Variants in VPS13A observed in about 807,000 individuals in gnomAD.
VPS13A encodes the protein intermembrane lipid transfer protein VPS13A.
VPS13A carries 264 observed loss-of-function variants against 390.9 expected under a neutral mutation model. That is an observed-to-expected ratio of 0.68 (90% confidence interval 0.61 to 0.75). The LOEUF is 0.75. VPS13A is among the 30% of genes least tolerant of loss of function. The probability of loss-of-function intolerance (pLI) is 0.00; values close to 1 mark genes in which losing one functional copy is unlikely to be tolerated. For missense variants in VPS13A, 3,409 were observed against 3,733.9 expected, an observed-to-expected ratio of 0.91 and a Z score of 2.27; for synonymous variants, 1,231 against 1,227.1, an observed-to-expected ratio of 1.00 and a Z score of -0.07.
rs1336467149 is a variant in VPS13A, at chr9:77,323,091, A to G, written c.5855A>G (p.Asp1952Gly). Residue 1952 changes from aspartate to glycine, a missense_variant, in exon 45 of 72, where the codon GAT becomes GGT. Physicochemically the swap from Asp to Gly is moderately conservative, Grantham distance 94. Coordinates refer to ENST00000360280, the MANE Select transcript of VPS13A (RefSeq NM_033305.3). Reference sequence around the variant, plus strand: ...GCACCTGTTAACCATTCTACTGCTGATAAGATTCCTTTAACAAAAGTGGGA... The same window carrying G: ...GCACCTGTTAACCATTCTACTGCTGGTAAGATTCCTTTAACAAAAGTGGGA... ...LLTPVNHSTADKIPLTKVGRR... is the reference protein window; with the variant it reads ...LLTPVNHSTAGKIPLTKVGRR... 6.2e-7 allele frequency: 1 copy of G among 1,612,896 alleles called. No homozygotes were observed. Among genetic ancestry groups the G allele is most frequent in the Admixed American group, 1.7e-5 (1 of 59,926 alleles).
At chr9:77,261,767 C>G (rs1316627610) in intron 23 of VPS13A, among the ~76,000 whole-genome samples, 3 of 151,702 alleles carry the variant, frequency 2.0e-5, no homozygotes, top group African/African-American at 7.3e-5. Flanking sequence ...GTATTTTTAG[C>G]CGAGATGGAG....
chr9:77,227,106 A>G (rs1390241973), intron 15 of VPS13A, among the ~76,000 whole-genome samples: 1 of 152,280 alleles, frequency 6.6e-6, no homozygotes, highest in African/African-American at 2.4e-5. Flanking sequence ...TTTATACTAA[A>G]TGTGTTGATT....
intron 17 of VPS13A, among the ~76,000 whole-genome samples, chr9:77,237,391 G>A (rs1003413545): frequency 1.3e-5 from 2 of 151,868 alleles, no homozygotes; most frequent in African/African-American, 4.8e-5. Context: ...TTGAGACAGA[G>A]TCTCACTCTG....
intron 71 of VPS13A, among the ~76,000 whole-genome samples, chr9:77,413,173 A>T (rs1835018649): frequency 6.6e-6 from 1 of 152,216 alleles, no homozygotes; most frequent in African/African-American, 2.4e-5. Context: ...ATACTGCCCA[A>T]GGTAATTTAT....
At chr9:77,206,169 T>G (rs946258563) in intron 5 of VPS13A, 90 bp downstream of exon 5, 2 of 939,432 alleles carry the variant, frequency 2.1e-6, no homozygotes, top group Non-Finnish European at 1.6e-6. Context: ...TCTCTGGAGA[T>G]GCTGAGATTA....
intron 51 of VPS13A, 22 bp from the exon 52 acceptor site, chr9:77,344,987 G>T: frequency 6.2e-7 from 1 of 1,607,478 alleles, no homozygotes. Context: ...ACATTAAAAT[G>T]TTTTCTTTTT....
In VPS13A at chr9:77,368,063, T is replaced by A. The variant is rs993210502; in HGVS notation, c.8480T>A (p.Phe2827Tyr). ...TTTTACGCTTTTTTCAGGCTTGCATTTTTTGAACTCAACTATCAGTTCCAT... is the reference window on the plus strand; with the variant it reads ...TTTTACGCTTTTTTCAGGCTTGCATATTTTGAACTCAACTATCAGTTCCAT... ...DVQDVVFKLA[F>Y]FELNYQFHTT... is the part of the protein sequence containing the mutation. The change falls in exon 62 of 72, where the codon TTT (phenylalanine) becomes TAT (tyrosine). Residue 2827 changes from phenylalanine to tyrosine, a missense_variant. Around this residue, in one of 5 missense-constraint regions of VPS13A, gnomAD observed 123 missense variants for 118.7 expected, o/e 1.04. Transcript: ENST00000360280. 7.4e-6 allele frequency: 12 copies of A among 1,611,936 alleles called. No individual in the cohort carries two copies. The highest frequency in any genetic ancestry group is 1.0e-5 in the Non-Finnish European group (12 of 1,179,264).
chr9:77,218,218 A>G (rs1302439874), intron 10 of VPS13A, among the ~76,000 whole-genome samples: 3 of 146,930 alleles, frequency 2.0e-5, no homozygotes, highest in Non-Finnish European at 3.0e-5. Flanking sequence ...GGTTCATGCC[A>G]TTCTCCTGTC....
At chr9:77,350,695 C>T (rs1435695340) in intron 52 of VPS13A, among the ~76,000 whole-genome samples, 4 of 151,756 alleles carry the variant, frequency 2.6e-5, no homozygotes, top group African/African-American at 2.4e-5. Flanking sequence ...GGGTTTTTTC[C>T]CCCCTATTTT....
At position 77,314,681 on chromosome 9, in the gene VPS13A, T is replaced by A. The variant is rs1450902950; in HGVS notation, c.4412+17T>A. On this transcript the variant is annotated intron_variant, in intron 37 of 71. Coordinates refer to ENST00000360280, the MANE Select transcript of VPS13A (RefSeq NM_033305.3). ...AACTCCTCGGTATGTATTGTAATGA[T>A]GTTCTAAGGTTTTACTTGAGAAATC... is the stretch of plus-strand genomic sequence containing the variant. 1 of 1,607,252 alleles carries A rather than the reference T, an allele frequency of 6.2e-7. No homozygotes were observed. Among genetic ancestry groups the A allele is most frequent in the South Asian group, 1.1e-5 (1 of 90,856 alleles).
intron 67 of VPS13A, among the ~76,000 whole-genome samples, chr9:77,376,285 C>T (rs960083730): frequency 3.3e-5 from 5 of 152,098 alleles, no homozygotes; most frequent in African/African-American, 7.2e-5. Context: ...TCGTAGAACT[C>T]GGCAAGCCCC....
chr9:77,401,373 G>A (rs1287381738), intron 68 of VPS13A, among the ~76,000 whole-genome samples: 1 of 139,734 alleles, frequency 7.2e-6, no homozygotes, highest in Non-Finnish European at 1.6e-5. Flanking sequence ...GTGTGTGTGT[G>A]TAAAAATTGG....
chr9:77,383,116 T>C lies in VPS13A; in HGVS notation c.9189+1029T>C, dbSNP rs577686059. On this transcript the variant is annotated intron_variant, in intron 68 of 71. Coordinates refer to ENST00000360280, the MANE Select transcript of VPS13A (RefSeq NM_033305.3). ...ATATTTTAAATATTGTGATATTTAA[T>C]GTGATCAGAGTAAAGATTTAAACTT... The C allele has an allele frequency of 1.1e-5, 9 of 818,280 alleles. No homozygotes were observed. In the Admixed American group the frequency reaches 5.6e-4, roughly 51 times the overall value. The allele number at this position is 818,280 out of a possible 1,614,324, so 50.7% of individuals were successfully genotyped here.
intron 71 of VPS13A, among the ~76,000 whole-genome samples, chr9:77,408,739 G>T (rs1302499352): frequency 6.6e-6 from 1 of 152,226 alleles, no homozygotes; most frequent in Non-Finnish European, 1.5e-5. Context: ...GCAGCAGAGA[G>T]GCTGGGGGAG....
rs781540482 is a variant in VPS13A, at chr9:77,206,066, A to C, written c.372A>C (p.Lys124Asn). 7 of 1,574,690 alleles carry C rather than the reference A, an allele frequency of 4.4e-6. No individual in the cohort carries two copies. In the Admixed American group the frequency reaches 9.1e-5, roughly 21 times the overall value. Residue 124 changes from lysine (K) to asparagine (N), a missense_variant, in exon 5 of 72, where the codon AAA becomes AAC. By Grantham distance (94) the Lys-to-Asn change is moderately conservative (BLOSUM62 0). Around this residue, in one of 5 missense-constraint regions of VPS13A, gnomAD observed 2,717 missense variants for 2,917.4 expected, o/e 0.93. Coordinates refer to ENST00000360280, the MANE Select transcript of VPS13A (RefSeq NM_033305.3). Reference protein sequence around the residue: ...ELKRIEEAKQKVVDQEQHLPE... With the variant: ...ELKRIEEAKQNVVDQEQHLPE... The stretch of plus-strand genomic sequence containing the variant: ...AAAGAATAGAAGAAGCAAAACAAAA[A>C]GTAGTTGATCAAGGTAAAGAAAACA...
At position 77,276,103 on chromosome 9, in the gene VPS13A, A is replaced by T. The variant is rs775757538; in HGVS notation, c.2706A>T (p.Glu902Asp). The part of the protein sequence containing the change: ...IEFYHLVGDC[E>D]LSVVEILVLG... Reference sequence around the variant, plus strand: ...TTTATCACCTTGTTGGAGATTGTGAACTATCTGTGGTAGAAATTCTTGTTT... The same window carrying T: ...TTTATCACCTTGTTGGAGATTGTGATCTATCTGTGGTAGAAATTCTTGTTT... Residue 902 changes from glutamate to aspartate, a missense_variant, in exon 26 of 72, where the codon GAA (glutamate) becomes GAT (aspartate). By Grantham distance (45) the Glu-to-Asp change is conservative (BLOSUM62 2). Around this residue, in one of 5 missense-constraint regions of VPS13A, gnomAD observed 2,717 missense variants for 2,917.4 expected, o/e 0.93. Transcript: ENST00000360280. 43 of 1,613,112 alleles carry T rather than the reference A, an allele frequency of 2.7e-5. No individual in the cohort carries two copies. The highest frequency in any genetic ancestry group is 3.6e-5 in the Non-Finnish European group (43 of 1,179,782).
chr9:77,209,532 T>A lies in VPS13A; in HGVS notation c.495T>A (p.Asp165Glu). ...GTATCCATATTCGTTATGAAGATGA[T>A]GTAAGTATTTTAATATGTGATATTT... Reference protein sequence around the residue: ...ISSIHIRYEDDITNRDKPLSF... With the variant: ...ISSIHIRYEDEITNRDKPLSF... The change falls in exon 6 of 72, where the codon GAT becomes GAA. Residue 165 changes from aspartate to glutamate, a missense_variant and splice_region_variant. Transcript: ENST00000360280. 1 of 1,538,680 alleles carries A rather than the reference T, an allele frequency of 6.5e-7. No homozygotes were observed. Among genetic ancestry groups the A allele is most frequent in the South Asian group, 1.1e-5 (1 of 87,710 alleles).
rs1181773524 is a variant in VPS13A, at chr9:77,238,095, A to G, written c.1689A>G (p.Ser563=). The G allele has an allele frequency of 6.2e-7, 1 of 1,613,582 alleles. No individual in the cohort carries two copies. Among genetic ancestry groups the G allele is most frequent in the Admixed American group, 1.7e-5 (1 of 60,010 alleles). ...RLLSSLDDAM[S]LFQITFEINP... is the part of the protein sequence containing the mutation. ...TGTCTTCATTGGATGATGCAATGTCACTTTTCCAAATTACATTTGAGATAA... is the reference window on the plus strand; with the variant it reads ...TGTCTTCATTGGATGATGCAATGTCGCTTTTCCAAATTACATTTGAGATAA... Residue 563 remains serine, a synonymous_variant, in exon 18 of 72, where the codon TCA becomes TCG. Transcript: ENST00000360280.
intron 25 of VPS13A, 88 bp from the exon 26 acceptor site, chr9:77,275,977 A>G: frequency 7.4e-7 from 1 of 1,344,640 alleles, no homozygotes; most frequent in Non-Finnish European, 1.0e-6. Context: ...AATTGTATGT[A>G]TACCTCATAT....
Sources: gnomAD v4.1 joint callset for allele counts (sites outside exome capture counted in the v4.1 genomes callset) on GRCh38, gnomAD v4.1.1 for gene constraint, gnomAD v4.1.1 regional missense constraint, MANE v1.5 for transcripts, NCBI Gene and HGNC (gene_info 2026-07-23, HGNC 2026-07-21) for gene names.